Variants in SPEG observed in about 807,000 individuals in gnomAD.
SPEG encodes striated muscle enriched protein kinase.
Under a neutral mutation model 300.4 loss-of-function variants are expected in SPEG, and 114 were observed. The ratio of observed to expected loss-of-function variants is 0.38; its 90% CI spans 0.33 to 0.44. The LOEUF (loss-of-function observed/expected upper bound fraction) is 0.44, where lower values mean the gene tolerates loss of function less well. Ranked by LOEUF, SPEG falls within the 20% of genes least tolerant of loss-of-function variation. SPEG has a pLI of 1.00. For missense variants in SPEG, 4,201 were observed against 4,586.2 expected (o/e 0.92, Z 2.43); for synonymous variants, 1,964 against 2,018.9 (o/e 0.97, Z 0.73).
Position 219,484,546 on chromosome 2 carries a change from C to G in SPEG, c.7083C>G (p.Gly2361=). ...LLSRSRSEER[G]PFRGAEEEDG... is the part of the protein sequence containing the mutation. ...GCCGTTCGCGCTCGGAGGAGCGCGG[C>G]CCCTTCCGTGGGGCCGAGGAGGAGG... The change falls in exon 30 of 41, where the codon GGC becomes GGG. Residue 2361 remains glycine (G), a synonymous_variant. Coordinates refer to ENST00000312358, the MANE Select transcript of SPEG (RefSeq NM_005876.5). 1 of 1,592,720 alleles carries G rather than the reference C, an allele frequency of 6.3e-7. No individual in the cohort carries two copies. The highest frequency in any genetic ancestry group is 8.5e-7 in the Non-Finnish European group (1 of 1,173,306).
intron 6 of SPEG, chr2:219,460,802 C>T: frequency 3.0e-6 from 3 of 986,166 alleles, no homozygotes; most frequent in Non-Finnish European, 3.6e-6. Flanking sequence ...GCCTTCCCCT[C>T]CCCCAGGGCC....
chr2:219,451,927 C>T lies in SPEG; in HGVS notation c.2440+120C>T, dbSNP rs765697017. 1.6e-4 allele frequency: 174 copies of T among 1,064,552 alleles called. No individual in the cohort carries two copies. The highest frequency in any genetic ancestry group is 2.8e-4 in the East Asian group (10 of 36,100). 65.9% of individuals were successfully genotyped at this position (1,064,552 alleles called of 1,614,324 possible). ...TGAGCTTGGGCACCCCGCCAGCATA[C>T]TTAGTCCATGCAGTCCCTTCTGGGT... On this transcript the variant is annotated intron_variant, in intron 6 of 40. Transcript: ENST00000312358. The surrounding 1 kb of genome is among the most constrained non-coding windows in gnomAD (Gnocchi z 6.4).
At chr2:219,491,740 C>A in intron 38 of SPEG, 54 bp from the exon 39 acceptor site, 1 of 1,491,030 alleles carries the variant, frequency 6.7e-7, no homozygotes. Context: ...CTCCCCCGCC[C>A]CCACTTCCCT....
Position 219,483,446 on chromosome 2 carries a change from C to G in SPEG, c.5983C>G (p.Pro1995Ala). ...TCCCAGCCCAGAGGCCCTCCCCTCC[C>G]CAGGCCAGGAGCCCGCAGCTGGGGC... ...EAPSPEALPS[P>A]GQEPAAGASP... Residue 1995 changes from proline to alanine, a missense_variant, in exon 30 of 41, where the codon CCA (proline) becomes GCA (alanine). Pro to Ala is a conservative substitution (Grantham distance 27). This residue lies in a region of SPEG where 1,578 missense variants were observed against 1,506.0 expected (regional missense o/e 1.05). Transcript: ENST00000312358. 1 of 1,535,462 alleles carries G rather than the reference C, an allele frequency of 6.5e-7. No individual in the cohort carries two copies.
chr2:219,471,066 C>T (rs1575128146), intron 13 of SPEG, among the ~76,000 whole-genome samples: 2 of 151,994 alleles, frequency 1.3e-5, no homozygotes, highest in African/African-American at 4.8e-5. Flanking sequence ...GAAGAGCCCC[C>T]GCCCATGAAA....
chr2:219,488,874 C>T lies in SPEG; in HGVS notation c.8123C>T (p.Thr2708Met), dbSNP rs780597123. Residue 2708 changes from threonine (T) to methionine (M), a missense_variant, in exon 34 of 41, where the codon ACG becomes ATG. Physicochemically the swap from Thr to Met is moderately conservative, Grantham distance 81. This residue lies in a region of SPEG where 1,578 missense variants were observed against 1,506.0 expected (regional missense o/e 1.05). Coordinates refer to ENST00000312358, the MANE Select transcript of SPEG (RefSeq NM_005876.5). ...CCGGGAGACAGCCGGGCACCTTGCA[C>T]GTATACGCTGGAGCGGCGAGTGGAT... is the stretch of plus-strand genomic sequence containing the variant. ...WKPGDSRAPC[T>M]YTLERRVDGE... 2.5e-6 allele frequency: 4 copies of T among 1,586,506 alleles called. No homozygotes were observed. Among genetic ancestry groups the T allele is most frequent in the African/African-American group, 1.3e-5 (1 of 74,548 alleles).
At chr2:219,437,333 G>T (rs554634787) in intron 1 of SPEG, 18 of 152,400 alleles carry the variant, frequency 1.2e-4, no homozygotes, top group African/African-American at 4.3e-4. Context: ...AAGTGGTGAT[G>T]AGGTGTGAGA....
chr2:219,477,139 G>A lies in SPEG; in HGVS notation c.4561-138G>A. On this transcript the variant is annotated intron_variant, in intron 19 of 40. Coordinates refer to ENST00000312358, the MANE Select transcript of SPEG (RefSeq NM_005876.5). The surrounding 1 kb of genome is among the most constrained non-coding windows in gnomAD (Gnocchi z 6.4). ...AGGACTGACTAGCTGAGGGGTGCAG[G>A]GCTTTCTGTGGGAGATAAGGGAGGA... 1 of 987,346 alleles carries A rather than the reference G, an allele frequency of 1.0e-6. No homozygotes were observed. The highest frequency in any genetic ancestry group is 1.5e-6 in the Non-Finnish European group (1 of 678,608). 61.2% of individuals were successfully genotyped at this position (987,346 alleles called of 1,614,324 possible).
chr2:219,465,932 TGC>T, intron 9 of SPEG: 3 of 631,622 alleles, frequency 4.7e-6, no homozygotes, highest in Non-Finnish European at 7.6e-6. Context: ...TGCGCGCGTG[TGC>T]GTGCACGTGT....
chr2:219,444,067 A>G lies in SPEG; in HGVS notation c.389-586A>G, dbSNP rs148097397. ...GCAGAAAGCAAAGTTACGGTAGGAA[A>G]CTGGCTCCTGCTCTAGCCCCCCGCA... On this transcript the variant is annotated intron_variant, in intron 1 of 40. Transcript: ENST00000312358. The surrounding 1 kb of genome is among the most constrained non-coding windows in gnomAD (Gnocchi z 7.8). 2.7e-3 allele frequency: 3,660 copies of G among 1,364,710 alleles called. 118 individuals carry two copies. The Admixed American group carries it at 0.052, about 19-fold the overall frequency. 84.5% of individuals were successfully genotyped at this position (1,364,710 alleles called of 1,614,324 possible). A position where few individuals can be genotyped will look rare whatever the true frequency, so the allele number is the denominator to read the frequency against.
At chr2:219,465,273 C>T (rs760697326) in intron 9 of SPEG, 4 of 152,914 alleles carry the variant, frequency 2.6e-5, no homozygotes, top group Non-Finnish European at 4.4e-5. Context: ...AGGCCACAAC[C>T]GTTTATCTTG....
chr2:219,471,695 T>G (rs1175616041), intron 13 of SPEG, 173 bp from the exon 14 acceptor site: 3 of 746,312 alleles, frequency 4.0e-6, no homozygotes, highest in Non-Finnish European at 6.5e-6. Flanking sequence ...ACCCAGACTT[T>G]GCTGCACCAT....
In SPEG at chr2:219,489,802, T is replaced by C. The variant is rs1693797423; in HGVS notation, c.8784T>C (p.Thr2928=). Residue 2928 remains threonine, a synonymous_variant, in exon 36 of 41, where the codon ACT becomes ACC. Transcript: ENST00000312358. ...CCCCTCCTGAGCCTACCAAGGTGAC[T>C]GTGCAGAGCCTCAGCCCGGCCAAGG... ...PEPPPEPTKV[T]VQSLSPAKEV... is the part of the protein sequence containing the mutation. 1 of 1,613,598 alleles carries C rather than the reference T, an allele frequency of 6.2e-7. No homozygotes were observed. The highest frequency in any genetic ancestry group is 2.2e-5 in the East Asian group (1 of 44,872).
chr2:219,438,248 C>T (rs1176178965), intron 1 of SPEG, among the ~76,000 whole-genome samples: 2 of 152,128 alleles, frequency 1.3e-5, no homozygotes, highest in African/African-American at 4.8e-5. Context: ...AGTACCCTGT[C>T]TCATTTAATT....
At chr2:219,489,990 C>G (rs35714762) in intron 36 of SPEG, 51 bp downstream of exon 36, 1 of 1,515,696 alleles carries the variant, frequency 6.6e-7, no homozygotes, top group Admixed American at 2.2e-5. Flanking sequence ...GGCCAAATGT[C>G]TGGAGCACAT....
intron 6 of SPEG, chr2:219,461,353 A>G: frequency 4.1e-6 from 4 of 986,878 alleles, no homozygotes; most frequent in Non-Finnish European, 4.8e-6. Context: ...GGGGAGGGGC[A>G]GGCTAGATAG....
In SPEG at chr2:219,484,269, C is replaced by T; in HGVS notation, c.6806C>T (p.Pro2269Leu). 2 of 1,609,512 alleles carry T rather than the reference C, an allele frequency of 1.2e-6. No individual in the cohort carries two copies. The highest frequency in any genetic ancestry group is 1.7e-6 in the Non-Finnish European group (2 of 1,179,764). Reference protein sequence around the residue: ...QGPSQGPAAPPSEPKPHAAVF... With the variant: ...QGPSQGPAAPLSEPKPHAAVF... Reference sequence around the variant, plus strand: ...CCCTCGCAGGGCCCTGCCGCGCCGCCTTCAGAGCCCAAGCCCCACGCTGCT... The same window carrying T: ...CCCTCGCAGGGCCCTGCCGCGCCGCTTTCAGAGCCCAAGCCCCACGCTGCT... The change falls in exon 30 of 41, where the codon CCT (proline) becomes CTT (leucine). Residue 2269 changes from proline (P) to leucine (L), a missense_variant. Pro to Leu is a moderately conservative substitution (Grantham distance 98). Around this residue, in one of 4 missense-constraint regions of SPEG, gnomAD observed 1,578 missense variants for 1,506.0 expected, o/e 1.05. Coordinates refer to ENST00000312358, the MANE Select transcript of SPEG (RefSeq NM_005876.5).
intron 29 of SPEG, 56 bp from the exon 30 acceptor site, chr2:219,483,042 G>A (rs987535198): frequency 6.1e-5 from 94 of 1,545,468 alleles, no homozygotes; most frequent in Admixed American, 7.4e-5. Flanking sequence ...TGGGCCTGGG[G>A]GGGACAATCC....
intron 1 of SPEG, among the ~76,000 whole-genome samples, chr2:219,436,729 G>A (rs1040139980): frequency 2.6e-5 from 4 of 152,190 alleles, no homozygotes; most frequent in African/African-American, 7.2e-5. Context: ...GCCAAGGCTG[G>A]CGTCTCCTGG....
Sources: gnomAD v4.1 joint callset for allele counts (sites outside exome capture counted in the v4.1 genomes callset) on GRCh38, gnomAD v4.1.1 for gene constraint, gnomAD v4.1.1 regional missense constraint, Gnocchi (gnomAD v3.1) non-coding constraint, MANE v1.5 for transcripts, NCBI Gene and HGNC (gene_info 2026-07-23, HGNC 2026-07-21) for gene names.